RASSF6: variants seen among roughly 807,000 people sequenced by gnomAD.
The protein encoded by RASSF6 is Ras association domain family member 6.
Under a neutral mutation model 44.0 loss-of-function variants are expected in RASSF6, and 52 were observed. The observed-to-expected ratio is 1.18, with a 90% CI of 0.95 to 1.49. The LOEUF (loss-of-function observed/expected upper bound fraction) is 1.49, where lower values mean the gene tolerates loss of function less well. Among genes scored for constraint, RASSF6 ranks in the 40% most tolerant of loss-of-function variants. The pLI is 0.00. For synonymous variants in RASSF6, 162 were observed against 124.6 expected (o/e 1.30, Z -2.00); for missense variants, 464 against 393.3 (o/e 1.18, Z -1.52).
chr4:73,591,076 AT>A (rs1724514135), intron 4 of RASSF6, among the ~76,000 whole-genome samples: 1 of 152,246 alleles, frequency 6.6e-6, no homozygotes, highest in African/African-American at 2.4e-5. Flanking sequence ...AAGTTAAAAA[AT>A]ATCATGGTTA....
chr4:73,607,087 A>C (rs1442384627), intron 2 of RASSF6, among the ~76,000 whole-genome samples: 1 of 152,232 alleles, frequency 6.6e-6, no homozygotes, highest in Non-Finnish European at 1.5e-5. Context: ...TCAACAAAAA[A>C]ATAATAAGCA....
chr4:73,606,255 T>A (rs1381422916), intron 2 of RASSF6, among the ~76,000 whole-genome samples: 1 of 152,226 alleles, frequency 6.6e-6, no homozygotes, highest in Non-Finnish European at 1.5e-5. Flanking sequence ...CAAAATCATG[T>A]CCTTTGCAGC....
intron 3 of RASSF6, among the ~76,000 whole-genome samples, chr4:73,595,279 C>A (rs1246624745): frequency 1.3e-5 from 2 of 152,144 alleles, no homozygotes; most frequent in Admixed American, 1.3e-4. Flanking sequence ...ACTGCAATCC[C>A]CACCTCCTGG....
chr4:73,587,112 T>G (rs1724156132), intron 5 of RASSF6, among the ~76,000 whole-genome samples: 1 of 152,060 alleles, frequency 6.6e-6, no homozygotes, highest in Non-Finnish European at 1.5e-5. Flanking sequence ...TTATGAGAAT[T>G]ACATGAAAAA....
intron 4 of RASSF6, 129 bp downstream of exon 4, chr4:73,593,321 TG>T: frequency 1.0e-6 from 1 of 970,050 alleles, no homozygotes; most frequent in Non-Finnish European, 1.5e-6. Flanking sequence ...CGGCCATTGC[TG>T]GGAAATTAAA....
chr4:73,615,818 C>CAA, intron 1 of RASSF6: 1 of 1,270,758 alleles, frequency 7.9e-7, no homozygotes, highest in South Asian at 1.3e-5. Context: ...ATTAGCGTTC[C>CAA]AGCAATGCTG....
chr4:73,585,978 C>A (rs1444589947), intron 5 of RASSF6, among the ~76,000 whole-genome samples: 1 of 86,100 alleles, frequency 1.2e-5, no homozygotes, highest in East Asian at 4.3e-4. Context: ...TGCTATCCCT[C>A]CCCCCTCCCC....
intron 4 of RASSF6, among the ~76,000 whole-genome samples, chr4:73,588,270 C>T (rs1448798579): frequency 6.6e-6 from 1 of 151,930 alleles, no homozygotes; most frequent in Non-Finnish European, 1.5e-5. Context: ...AGATATTTCA[C>T]AATACTCTTA....
chr4:73,610,530 T>C (rs1285846953), intron 2 of RASSF6, among the ~76,000 whole-genome samples: 1 of 152,196 alleles, frequency 6.6e-6, no homozygotes, highest in Non-Finnish European at 1.5e-5. Context: ...CTTCTCCTGC[T>C]GTCTTTCTAC....
rs376546916 is a variant in RASSF6, at chr4:73,603,092, GAAGA to G, written c.66-4378_66-4375del. Among the ~76,000 whole-genome samples, 1,246 of 151,710 alleles carry G rather than the reference GAAGA, an allele frequency of 8.2e-3. 23 individuals are homozygous for G. The highest frequency in any genetic ancestry group is 0.029 in the African/African-American group (1,185 of 41,300). On this transcript the variant is annotated intron_variant, in intron 2 of 10. Transcript: ENST00000307439. ...GACGGAGCAAGTTTCCGTCTCAAAAGAAGAAAGAAAGAAAGAAAGAAAAAGAAAT... is the reference window on the plus strand; with the variant it reads ...GACGGAGCAAGTTTCCGTCTCAAAAGAAGAAAGAAAGAAAGAAAAAGAAAT...
intron 3 of RASSF6, among the ~76,000 whole-genome samples, chr4:73,597,505 AC>A (rs1725009369): frequency 2.0e-5 from 3 of 152,260 alleles, no homozygotes; most frequent in Admixed American, 1.3e-4. Context: ...AGAAAAAGGA[AC>A]CCTTATACAC....
In RASSF6 at chr4:73,576,407, T is replaced by C; in HGVS notation, c.938+3A>G. ...GTATCCAATGTGCATGCTCTTGACT[T>C]ACTTTGTTACTATTCTTTGAATCTC... On this transcript the variant is annotated splice_donor_region_variant and intron_variant, in intron 10 of 10. Coordinates refer to ENST00000307439, the MANE Select transcript of RASSF6 (RefSeq NM_177532.5). 1 of 1,543,352 alleles carries C rather than the reference T, an allele frequency of 6.5e-7. No homozygotes were observed. Among genetic ancestry groups the C allele is most frequent in the Non-Finnish European group, 8.9e-7 (1 of 1,127,882 alleles).
chr4:73,576,346 G>A, intron 10 of RASSF6, 36 bp from the exon 11 acceptor site: 1 of 1,489,402 alleles, frequency 6.7e-7, no homozygotes, highest in South Asian at 1.2e-5. Context: ...TTAAAAATTG[G>A]ACATATTTTG....
At chr4:73,614,788 A>G (rs1400267460) in intron 1 of RASSF6, among the ~76,000 whole-genome samples, 3 of 152,208 alleles carry the variant, frequency 2.0e-5, no homozygotes, top group Non-Finnish European at 4.4e-5. Flanking sequence ...CAAGGCTCTT[A>G]TATTATTTTC....
chr4:73,575,450 T>C lies in RASSF6; in HGVS notation c.*785A>G, dbSNP rs926640776. 3.3e-5 allele frequency: 5 copies of C among 152,274 alleles called. No homozygotes were observed. In the South Asian group the frequency reaches 8.3e-4, roughly 25 times the overall value. The allele number at this position is 152,274 out of a possible 1,614,324, so 9.4% of individuals were successfully genotyped here. Reference sequence around the variant, plus strand: ...TCCATTGTATTCATTCAGCAACAAATAGGTATTTGTGGGCCAAGTCTTACT... The same window carrying C: ...TCCATTGTATTCATTCAGCAACAAACAGGTATTTGTGGGCCAAGTCTTACT... On this transcript the variant is annotated 3_prime_UTR_variant, in exon 11 of 11. Transcript: ENST00000307439.
intron 3 of RASSF6, among the ~76,000 whole-genome samples, chr4:73,597,395 G>A (rs1725002564): frequency 6.6e-6 from 1 of 152,112 alleles, no homozygotes; most frequent in South Asian, 2.1e-4. Context: ...CAGATCATTA[G>A]AAAAATGCAA....
At chr4:73,598,199 G>A (rs2149384994) in intron 3 of RASSF6, among the ~76,000 whole-genome samples, 1 of 152,166 alleles carries the variant, frequency 6.6e-6, no homozygotes, top group East Asian at 1.9e-4. Flanking sequence ...TTGATATAGT[G>A]CACATCTATT....
In RASSF6 at chr4:73,620,305, A is replaced by C; in HGVS notation, c.-52T>G. 6.9e-7 allele frequency: 1 copy of C among 1,459,850 alleles called. No individual in the cohort carries two copies. The highest frequency in any genetic ancestry group is 9.0e-7 in the Non-Finnish European group (1 of 1,109,288). 90.4% of individuals were successfully genotyped at this position (1,459,850 alleles called of 1,614,324 possible). A position where few individuals can be genotyped will look rare whatever the true frequency, so the allele number is the denominator to read the frequency against. On this transcript the variant is annotated 5_prime_UTR_variant, in exon 1 of 11. Transcript: ENST00000307439. Reference sequence around the variant, plus strand: ...TTTTTTACCTGTTATTCACACTGTGAGCAGGAGGACCCTTTTCACCATCGT... The same window carrying C: ...TTTTTTACCTGTTATTCACACTGTGCGCAGGAGGACCCTTTTCACCATCGT...
intron 4 of RASSF6, 139 bp downstream of exon 4, chr4:73,593,312 G>C: frequency 1.2e-6 from 1 of 856,178 alleles, no homozygotes; most frequent in Non-Finnish European, 1.7e-6. Context: ...CACCGTGCCC[G>C]GCCATTGCTG....
Sources: allele counts gnomAD v4.1 joint callset (sites outside exome capture counted in the v4.1 genomes callset), GRCh38; gene constraint gnomAD v4.1.1; transcripts MANE v1.5; gene names NCBI Gene and HGNC (gene_info 2026-07-23, HGNC 2026-07-21).